The following RALYL variants were observed in gnomAD, a reference collection of about 807,000 sequenced individuals.
RALYL encodes the protein RALY RNA binding protein like.
A neutral mutation model predicts 35.1 loss-of-function variants in RALYL; 29 were observed. The ratio of observed to expected loss-of-function variants is 0.83; its 90% CI spans 0.61 to 1.13. The LOEUF (loss-of-function observed/expected upper bound fraction) is 1.13, where lower values mean the gene tolerates loss of function less well. Among genes scored for constraint, RALYL ranks in the 50% most tolerant of loss-of-function variants. The pLI is 0.00. For synonymous variants in RALYL, 120 were observed against 127.6 expected (o/e 0.94, Z 0.40); for missense variants, 359 against 360.4 (o/e 1.00, Z 0.03).
chr8:84,347,532 G>A (rs937807246), intron 1 of RALYL, among the ~76,000 whole-genome samples: 3 of 152,084 alleles, frequency 2.0e-5, no homozygotes, highest in African/African-American at 7.2e-5. Flanking sequence ...TTAATATCCT[G>A]TTCTTCTTGG....
At chr8:84,522,465 A>G (rs711050) in intron 1 of RALYL, among the ~76,000 whole-genome samples, 136,500 of 150,142 alleles carry the variant, frequency 0.91, 62,104 homozygotes, top group East Asian at 1. Context: ...TAGCCGGGAT[A>G]GTCTCGATCT....
intron 2 of RALYL, among the ~76,000 whole-genome samples, chr8:84,544,853 G>A (rs181611551): frequency 2.4e-3 from 365 of 151,972 alleles, no homozygotes; most frequent in African/African-American, 8.3e-3. Context: ...TGTAAAACTT[G>A]AATTTTTCCC....
chr8:84,791,012 T>C (rs192053274), intron 3 of RALYL, among the ~76,000 whole-genome samples: 2 of 152,182 alleles, frequency 1.3e-5, no homozygotes, highest in African/African-American at 2.4e-5. Flanking sequence ...ATTTGATTTA[T>C]GACAAAGTAG....
At chr8:84,397,128 C>A (rs914125537) in intron 1 of RALYL, among the ~76,000 whole-genome samples, 2 of 151,988 alleles carry the variant, frequency 1.3e-5, no homozygotes, top group Non-Finnish European at 2.9e-5. Context: ...TGGCAGAGGC[C>A]GGGGTGATGT....
chr8:84,658,493 G>A (rs1034386439), intron 2 of RALYL, among the ~76,000 whole-genome samples: 25 of 152,098 alleles, frequency 1.6e-4, no homozygotes, highest in Admixed American at 1.5e-3. Flanking sequence ...ATAGGAAATT[G>A]TGGATAAACT....
intron 2 of RALYL, among the ~76,000 whole-genome samples, chr8:84,771,131 G>C (rs902905375): frequency 1.3e-5 from 2 of 152,006 alleles, no homozygotes; most frequent in African/African-American, 4.8e-5. Flanking sequence ...CATACTGTCA[G>C]TATTTTTCCA....
intron 4 of RALYL, among the ~76,000 whole-genome samples, chr8:84,844,458 G>A (rs1408026651): frequency 6.6e-6 from 1 of 152,156 alleles, no homozygotes; most frequent in Admixed American, 6.5e-5. Context: ...TCATTAAAAA[G>A]TCAGGAAACA....
intron 3 of RALYL, among the ~76,000 whole-genome samples, chr8:84,775,298 T>C (rs1280154421): frequency 6.6e-6 from 1 of 152,210 alleles, no homozygotes; most frequent in Non-Finnish European, 1.5e-5. Context: ...TTAGCTATTT[T>C]ACATATGTTG....
intron 4 of RALYL, among the ~76,000 whole-genome samples, chr8:84,807,359 G>T (rs934192947): frequency 1.3e-5 from 2 of 152,048 alleles, no homozygotes; most frequent in Admixed American, 1.3e-4. Flanking sequence ...TCTTTTTATG[G>T]CTGATTAGTA....
chr8:84,424,613 G>A (rs1417385625), intron 1 of RALYL, among the ~76,000 whole-genome samples: 1 of 151,540 alleles, frequency 6.6e-6, no homozygotes, highest in African/African-American at 2.4e-5. Context: ...TCCTTTGGAG[G>A]AGGAGAGACG....
In RALYL at chr8:84,802,845, C is replaced by T. The variant is rs550351656; in HGVS notation, c.333-1925C>T. Among the ~76,000 whole-genome samples the T allele has an allele frequency of 9.0e-4, 137 of 152,100 alleles. 1 individual carries two copies. The highest frequency in any genetic ancestry group is 3.1e-3 in the African/African-American group (129 of 41,488). On this transcript the variant is annotated intron_variant, in intron 3 of 8. Coordinates refer to ENST00000521268, the MANE Select transcript of RALYL (RefSeq NM_173848.7). Reference sequence around the variant, plus strand: ...TGAAGTGACTTTGAACAAAGAATTTCGGAGAGACTAACTAGGCTGGGGTAA... The same window carrying T: ...TGAAGTGACTTTGAACAAAGAATTTTGGAGAGACTAACTAGGCTGGGGTAA...
At chr8:84,655,291 A>AG (rs202128819) in intron 2 of RALYL, among the ~76,000 whole-genome samples, 1,561 of 150,650 alleles carry the variant, frequency 0.01, 33 homozygotes, top group African/African-American at 0.035. Context: ...TCAGATTATT[A>AG]GGGTTTTTTT....
intron 2 of RALYL, among the ~76,000 whole-genome samples, chr8:84,544,005 C>T (rs1462936118): frequency 6.6e-6 from 1 of 151,978 alleles, no homozygotes; most frequent in Non-Finnish European, 1.5e-5. Flanking sequence ...AAAACAGTAC[C>T]ACCAGCACCA....
intron 2 of RALYL, among the ~76,000 whole-genome samples, chr8:84,727,848 C>T (rs902370646): frequency 1.3e-5 from 2 of 151,908 alleles, no homozygotes; most frequent in African/African-American, 2.4e-5. Context: ...GTATATGTGC[C>T]ACATTTTCTT....
At position 84,311,090 on chromosome 8, in the gene RALYL, A is replaced by AAAAAAAAAAAAAAAT. The variant is rs1554614840; in HGVS notation, c.-24+126667_-24+126668insAAAAAAAAAAAAATA. Reference sequence around the variant, plus strand: ...AAAAAAAAAAAAAAAAAAAAAAAAAAATGTATATTAATGTATAGTATAAAT... The same window carrying AAAAAAAAAAAAAAAT: ...AAAAAAAAAAAAAAAAAAAAAAAAAAAAAAAAAAAAAAAATATGTATATTAATGTATAGTATAAAT... On this transcript the variant is annotated intron_variant, in intron 1 of 8. Transcript: ENST00000521268. Among the ~76,000 whole-genome samples, 33 of 99,770 alleles carry AAAAAAAAAAAAAAAT rather than the reference A, an allele frequency of 3.3e-4. 3 individuals carry two copies. The highest frequency in any genetic ancestry group is 6.1e-4 in the African/African-American group (17 of 28,004). The allele number at this position is 99,770 out of a possible 152,430, so 65.5% of individuals were successfully genotyped here. A position where few individuals can be genotyped will look rare whatever the true frequency, so the allele number is the denominator to read the frequency against.
chr8:84,708,940 C>T (rs778135378), intron 2 of RALYL, among the ~76,000 whole-genome samples: 1 of 152,044 alleles, frequency 6.6e-6, no homozygotes, highest in Non-Finnish European at 1.5e-5. Context: ...CAGTGTGAAT[C>T]GAGTTTCAGA....
rs554441316 is a variant in RALYL, at chr8:84,874,078, G to A, written c.685+681G>A. Among the ~76,000 whole-genome samples the A allele has an allele frequency of 3.9e-5, 6 of 152,282 alleles. No individual in the cohort carries two copies. In the South Asian group the frequency reaches 1.2e-3, roughly 32 times the overall value. ...TTAGAAGTAGGCCACAGTTTGAAAA[G>A]TGTGCTCTATGAGGCTTTAGACGCC... On this transcript the variant is annotated intron_variant, in intron 7 of 8. Coordinates refer to ENST00000521268, the MANE Select transcript of RALYL (RefSeq NM_173848.7).
At position 84,754,254 on chromosome 8, in the gene RALYL, T is replaced by TA. The variant is rs11285717; in HGVS notation, c.257-20313dup. Reference sequence around the variant, plus strand: ...TACCCTAAAACTTAAAGTATAATAATAAAAAAAAAAAATGTGAGAATAGAC... The same window carrying TA: ...TACCCTAAAACTTAAAGTATAATAATAAAAAAAAAAAAATGTGAGAATAGAC... On this transcript the variant is annotated intron_variant, in intron 2 of 8. Transcript: ENST00000521268. Among the ~76,000 whole-genome samples, 416 of 144,548 alleles carry TA rather than the reference T, an allele frequency of 2.9e-3. 1 individual carries two copies. Among genetic ancestry groups the TA allele is most frequent in the African/African-American group, 5.5e-3 (218 of 39,808 alleles). The allele number at this position is 144,548 out of a possible 152,430, so 94.8% of individuals were successfully genotyped here. A position where few individuals can be genotyped will look rare whatever the true frequency, so the allele number is the denominator to read the frequency against.
At chr8:84,220,331 C>T (rs970012367) in intron 1 of RALYL, among the ~76,000 whole-genome samples, 1 of 151,902 alleles carries the variant, frequency 6.6e-6, no homozygotes, top group East Asian at 1.9e-4. Flanking sequence ...TTTTGCTTGA[C>T]ATAACATGCA....
Sources: allele counts gnomAD v4.1 joint callset (sites outside exome capture counted in the v4.1 genomes callset), GRCh38; gene constraint gnomAD v4.1.1; transcripts MANE v1.5; gene names NCBI Gene and HGNC (gene_info 2026-07-23, HGNC 2026-07-21).